HLF: variants seen among roughly 807,000 people sequenced by gnomAD.
HLF encodes HLF transcription factor, PAR bZIP family member, also known as hepatic leukemia factor.
Under a neutral mutation model 22.6 loss-of-function variants are expected in HLF, and 3 were observed. That is an observed-to-expected ratio of 0.13 (90% CI 0.06 to 0.34). The LOEUF (loss-of-function observed/expected upper bound fraction) is 0.34. Among genes scored for constraint, HLF ranks in the 10% least tolerant of loss-of-function variants. The probability of loss-of-function intolerance (pLI) is 1.00; values close to 1 mark genes in which losing one functional copy is unlikely to be tolerated. For missense variants in HLF, 299 were observed against 389.2 expected, an observed-to-expected ratio of 0.77 and a Z score of 1.95; for synonymous variants, 151 against 151.8, an observed-to-expected ratio of 0.99 and a Z score of 0.04.
intron 2 of HLF, among the ~76,000 whole-genome samples, chr17:55,311,733 C>T (rs1051115728): frequency 1.3e-5 from 2 of 152,072 alleles, no homozygotes; most frequent in East Asian, 1.9e-4. Context: ...GAATATACTA[C>T]GTGATGCTGA....
intron 2 of HLF, among the ~76,000 whole-genome samples, chr17:55,303,787 G>A (rs9909162): frequency 5.9e-5 from 9 of 152,304 alleles, no homozygotes; most frequent in Admixed American, 2.0e-4. Flanking sequence ...TTCAGCGAGG[G>A]GGGTGAATGT....
At chr17:55,268,461 C>G (rs981208698) in intron 2 of HLF, among the ~76,000 whole-genome samples, 1 of 152,170 alleles carries the variant, frequency 6.6e-6, no homozygotes, top group Admixed American at 6.5e-5. Context: ...TCCATCGCAT[C>G]TTGTATCTCT....
At chr17:55,318,286 A>G (rs1403891569) in intron 3 of HLF, among the ~76,000 whole-genome samples, 1 of 152,090 alleles carries the variant, frequency 6.6e-6, no homozygotes, top group Non-Finnish European at 1.5e-5. Flanking sequence ...CTAGTCCAGG[A>G]CACTCCTTTC....
In HLF at chr17:55,277,229, GATGTTATGTGT is replaced by G. The variant is rs1239244244; in HGVS notation, c.451+9148_451+9158del. Reference sequence around the variant, plus strand: ...GTTTGCAAATAAGTATATTGAACCAGATGTTATGTGTATGTGTGTGTGTGTGTGTGTGTGTG... The same window carrying G: ...GTTTGCAAATAAGTATATTGAACCAGATGTGTGTGTGTGTGTGTGTGTGTG... On this transcript the variant is annotated intron_variant, in intron 2 of 3. Coordinates refer to ENST00000226067, the MANE Select transcript of HLF (RefSeq NM_002126.5). Among the ~76,000 whole-genome samples the G allele has an allele frequency of 6.8e-5, 8 of 118,136 alleles. No individual in the cohort carries two copies. The East Asian group carries it at 8.0e-4, about 12-fold the overall frequency. 77.5% of individuals were successfully genotyped at this position (118,136 alleles called of 152,430 possible).
intron 2 of HLF, among the ~76,000 whole-genome samples, chr17:55,282,118 A>G (rs986332102): frequency 2.6e-5 from 4 of 152,224 alleles, no homozygotes; most frequent in Non-Finnish European, 5.9e-5. Flanking sequence ...AATTACATTA[A>G]ACAAGCTATC....
At chr17:55,306,712 C>CAT (rs1003452628) in intron 2 of HLF, among the ~76,000 whole-genome samples, 7 of 152,186 alleles carry the variant, frequency 4.6e-5, no homozygotes, top group Non-Finnish European at 8.8e-5. Flanking sequence ...CTTCCAATTT[C>CAT]ATCTTTGGCT....
intron 2 of HLF, among the ~76,000 whole-genome samples, chr17:55,301,184 C>A (rs950652125): frequency 5.9e-5 from 9 of 152,266 alleles, no homozygotes; most frequent in Non-Finnish European, 1.0e-4. Flanking sequence ...ACCTGTGACT[C>A]CCTGGGCAAA....
chr17:55,312,312 A>G (rs1020541709), intron 2 of HLF, among the ~76,000 whole-genome samples: 8 of 152,246 alleles, frequency 5.3e-5, no homozygotes, highest in African/African-American at 1.9e-4. Context: ...TTTTCTCTGC[A>G]ACCTCACCAA....
chr17:55,289,984 G>A (rs1248040619), intron 2 of HLF, among the ~76,000 whole-genome samples: 1 of 152,190 alleles, frequency 6.6e-6, no homozygotes, highest in Non-Finnish European at 1.5e-5. Flanking sequence ...AGAGAAGGGG[G>A]CTCACTGGTA....
At chr17:55,295,694 C>T (rs967479868) in intron 2 of HLF, among the ~76,000 whole-genome samples, 2 of 152,206 alleles carry the variant, frequency 1.3e-5, no homozygotes, top group African/African-American at 4.8e-5. Context: ...CTGGGCTGCC[C>T]TATGTCCCGT....
At chr17:55,279,271 T>A (rs961802002) in intron 2 of HLF, among the ~76,000 whole-genome samples, 2 of 152,212 alleles carry the variant, frequency 1.3e-5, no homozygotes, top group African/African-American at 4.8e-5. Context: ...GACAGGAAGA[T>A]TCAGTATTAC....
intron 2 of HLF, among the ~76,000 whole-genome samples, chr17:55,284,902 C>T (rs568024503): frequency 6.6e-6 from 1 of 152,282 alleles, no homozygotes; most frequent in East Asian, 1.9e-4. Context: ...CCCTTTCTTC[C>T]TCAACCTAGG....
At chr17:55,315,867 C>T (rs1905045650) in intron 3 of HLF, among the ~76,000 whole-genome samples, 1 of 152,196 alleles carries the variant, frequency 6.6e-6, no homozygotes. Flanking sequence ...TGATAATTTG[C>T]TGCTGCCATT....
intron 2 of HLF, among the ~76,000 whole-genome samples, chr17:55,286,722 C>T (rs2081007200): frequency 6.6e-6 from 1 of 152,154 alleles, no homozygotes; most frequent in Non-Finnish European, 1.5e-5. Context: ...AAGGATTTCC[C>T]AGCGCCAAGC....
chr17:55,291,967 A>G (rs1385526825), intron 2 of HLF, among the ~76,000 whole-genome samples: 2 of 152,260 alleles, frequency 1.3e-5, no homozygotes, highest in African/African-American at 2.4e-5. Flanking sequence ...ATCTAGAATT[A>G]GAAGTAGAAC....
Position 55,267,872 on chromosome 17 carries a change from T to C in HLF, c.237T>C (p.Asp79=), listed in dbSNP as rs778071353. Residue 79 remains aspartate, a synonymous_variant, in exon 2 of 4, where the codon GAT becomes GAC. Transcript: ENST00000226067. ...LWDKTLPYDG[D]TFQLEYMDLE... ...ACAAAACCCTTCCCTATGACGGAGA[T>C]ACTTTCCAGTTGGAATACATGGACC... 7.6e-5 allele frequency: 123 copies of C among 1,614,054 alleles called. No homozygotes were observed. Among genetic ancestry groups the C allele is most frequent in the Non-Finnish European group, 1.0e-4 (120 of 1,180,024 alleles).
At chr17:55,298,032 G>A (rs562526490) in intron 2 of HLF, among the ~76,000 whole-genome samples, 75 of 152,148 alleles carry the variant, frequency 4.9e-4, no homozygotes, top group Non-Finnish European at 7.5e-4. Context: ...TTACAGGTAT[G>A]AGCCACCGCG....
chr17:55,297,649 T>C (rs2081121419), intron 2 of HLF, among the ~76,000 whole-genome samples: 1 of 151,164 alleles, frequency 6.6e-6, no homozygotes, highest in African/African-American at 2.4e-5. Flanking sequence ...CTCTGTCCCC[T>C]GAGCAGCTGT....
chr17:55,298,767 A>G (rs1186096556), intron 2 of HLF, among the ~76,000 whole-genome samples: 1 of 152,170 alleles, frequency 6.6e-6, no homozygotes, highest in Non-Finnish European at 1.5e-5. Flanking sequence ...TACGTGTGTA[A>G]ATCAGTGGCT....
Sources: gnomAD v4.1 joint callset for allele counts (sites outside exome capture counted in the v4.1 genomes callset) on GRCh38, gnomAD v4.1.1 for gene constraint, MANE v1.5 for transcripts, NCBI Gene and HGNC (gene_info 2026-07-23, HGNC 2026-07-21) for gene names.